PTPRK: variants seen among roughly 807,000 people sequenced by gnomAD.
PTPRK encodes protein tyrosine phosphatase receptor type K.
Under a neutral mutation model 178.0 loss-of-function variants are expected in PTPRK, and 75 were observed. That is an observed-to-expected ratio of 0.42 (90% CI 0.35 to 0.51). PTPRK has a LOEUF of 0.51. Among genes scored for constraint, PTPRK ranks in the 20% least tolerant of loss-of-function variants. The pLI, the probability that PTPRK is intolerant of heterozygous loss-of-function variation, is 0.02. For missense variants in PTPRK, 1,441 were observed against 1,797.8 expected (o/e 0.80, Z 3.59); for synonymous variants, 637 against 620.6 (o/e 1.03, Z -0.39).
intron 7 of PTPRK, among the ~76,000 whole-genome samples, chr6:128,135,805 C>A (rs1029349768): frequency 1.3e-5 from 2 of 150,604 alleles, no homozygotes; most frequent in Non-Finnish European, 3.0e-5. Context: ...TAGAGGTTGG[C>A]CATTGTGATC....
At chr6:127,985,352 C>G (rs977973745) in intron 22 of PTPRK, among the ~76,000 whole-genome samples, 1 of 152,186 alleles carries the variant, frequency 6.6e-6, no homozygotes, top group East Asian at 1.9e-4. Context: ...AGTTTTAAAG[C>G]TGGAATTCTA....
At chr6:128,010,802 T>C (rs75930190) in intron 13 of PTPRK, among the ~76,000 whole-genome samples, 3,641 of 151,244 alleles carry the variant, frequency 0.024, 84 homozygotes, top group East Asian at 0.092. Flanking sequence ...ATTCACTAAC[T>C]ATTATTCTCA....
At chr6:128,391,939 T>A (rs1839641537) in intron 2 of PTPRK, among the ~76,000 whole-genome samples, 1 of 152,144 alleles carries the variant, frequency 6.6e-6, no homozygotes, top group Admixed American at 6.6e-5. Context: ...CATGTCTTAT[T>A]TAATTTTCAC....
chr6:128,296,598 C>A (rs1479154381), intron 3 of PTPRK, among the ~76,000 whole-genome samples: 2 of 152,060 alleles, frequency 1.3e-5, no homozygotes, highest in Admixed American at 1.3e-4. Flanking sequence ...GAATTTTCAA[C>A]CCAGAATTTC....
chr6:128,204,475 A>G (rs1806553500), intron 6 of PTPRK, among the ~76,000 whole-genome samples: 1 of 152,210 alleles, frequency 6.6e-6, no homozygotes, highest in Non-Finnish European at 1.5e-5. Flanking sequence ...ATCAGAGTGA[A>G]CAAACAACCT....
chr6:128,037,600 A>G (rs1776440716), intron 13 of PTPRK, among the ~76,000 whole-genome samples: 1 of 152,212 alleles, frequency 6.6e-6, no homozygotes, highest in African/African-American at 2.4e-5. Context: ...GAATTTTACT[A>G]TGTATTTATT....
At chr6:128,372,253 G>T (rs957994434) in intron 2 of PTPRK, among the ~76,000 whole-genome samples, 1 of 152,150 alleles carries the variant, frequency 6.6e-6, no homozygotes, top group African/African-American at 2.4e-5. Context: ...CATAACAAAG[G>T]AATGGACTTC....
At chr6:128,099,720 G>C (rs1415859191) in intron 7 of PTPRK, among the ~76,000 whole-genome samples, 2 of 152,088 alleles carry the variant, frequency 1.3e-5, no homozygotes, top group Non-Finnish European at 2.9e-5. Context: ...TCAGGGAATA[G>C]AGAGACAGAT....
intron 3 of PTPRK, among the ~76,000 whole-genome samples, chr6:128,288,148 C>T (rs561836679): frequency 6.6e-6 from 1 of 152,286 alleles, no homozygotes; most frequent in South Asian, 2.1e-4. Context: ...CTTGACTACA[C>T]TAGCTTTCAC....
intron 5 of PTPRK, among the ~76,000 whole-genome samples, chr6:128,237,210 C>T (rs1254685241): frequency 6.6e-6 from 1 of 152,136 alleles, no homozygotes; most frequent in Non-Finnish European, 1.5e-5. Context: ...CATATTTAGA[C>T]AACATTTTGC....
chr6:128,187,002 C>T (rs1802876529), intron 6 of PTPRK, among the ~76,000 whole-genome samples: 1 of 152,140 alleles, frequency 6.6e-6, no homozygotes, highest in African/African-American at 2.4e-5. Flanking sequence ...GCTAAATTCA[C>T]ATCTCGCTGG....
At chr6:128,028,823 TATG>T (rs1029879196) in intron 13 of PTPRK, among the ~76,000 whole-genome samples, 10 of 152,342 alleles carry the variant, frequency 6.6e-5, no homozygotes, top group African/African-American at 2.4e-4. Context: ...TTTTTGTTGA[TATG>T]ATGCTTTGAT....
chr6:128,085,423 G>T (rs558598645), intron 8 of PTPRK, among the ~76,000 whole-genome samples: 1 of 152,264 alleles, frequency 6.6e-6, no homozygotes, highest in East Asian at 1.9e-4. Flanking sequence ...TTATATTGAA[G>T]GAAAAGATAT....
chr6:128,363,930 C>A (rs1320198455), intron 2 of PTPRK, among the ~76,000 whole-genome samples: 1 of 152,070 alleles, frequency 6.6e-6, no homozygotes, highest in African/African-American at 2.4e-5. Context: ...TACGTACATT[C>A]ACAGTTAGTT....
intron 1 of PTPRK, among the ~76,000 whole-genome samples, chr6:128,407,834 A>C (rs906260521): frequency 1.3e-5 from 2 of 152,162 alleles, no homozygotes; most frequent in African/African-American, 2.4e-5. Context: ...AATAAAATAT[A>C]AAAACCAAGA....
intron 7 of PTPRK, among the ~76,000 whole-genome samples, chr6:128,148,387 G>A (rs1198817697): frequency 1.3e-5 from 2 of 152,096 alleles, no homozygotes; most frequent in Non-Finnish European, 2.9e-5. Flanking sequence ...AAAATGCTAT[G>A]CAAAGCATTA....
At chr6:128,300,670 C>G (rs1015795391) in intron 3 of PTPRK, among the ~76,000 whole-genome samples, 2 of 129,020 alleles carry the variant, frequency 1.6e-5, no homozygotes, top group South Asian at 2.3e-4. Context: ...TGAGAACACA[C>G]GGACACAGGA....
At chr6:128,183,345 GCCATGGAAATTTAC>G (rs1802240944) in intron 7 of PTPRK, among the ~76,000 whole-genome samples, 1 of 152,110 alleles carries the variant, frequency 6.6e-6, no homozygotes, top group Non-Finnish European at 1.5e-5. Context: ...TTTAGGCTGA[GCCATGGAAATTTAC>G]CCAACATCTT....
chr6:128,305,722 A>T (rs1349534700), intron 3 of PTPRK, among the ~76,000 whole-genome samples: 1 of 152,232 alleles, frequency 6.6e-6, no homozygotes, highest in African/African-American at 2.4e-5. Context: ...AATTAATAGC[A>T]TCCTTTAAAC....
Sources: gnomAD v4.1 joint callset for allele counts (sites outside exome capture counted in the v4.1 genomes callset) on GRCh38, gnomAD v4.1.1 for gene constraint, MANE v1.5 for transcripts, NCBI Gene and HGNC (gene_info 2026-07-23, HGNC 2026-07-21) for gene names.